CFAP46: variants seen among roughly 807,000 people sequenced by gnomAD.
CFAP46 encodes the protein cilia- and flagella-associated protein 46.
Under a neutral mutation model 325.7 loss-of-function variants are expected in CFAP46, and 245 were observed. The observed-to-expected ratio is 0.75, with a 90% CI of 0.68 to 0.84. The LOEUF (loss-of-function observed/expected upper bound fraction) is 0.84. CFAP46 is among the 40% of genes least tolerant of loss of function. The pLI, the probability that CFAP46 is intolerant of heterozygous loss-of-function variation, is 0.00. For missense variants in CFAP46, 3,346 were observed against 3,543.0 expected (o/e 0.94, Z 1.41); for synonymous variants, 1,523 against 1,495.9 (o/e 1.02, Z -0.42).
chr10:132,891,322 G>A (rs1308218091), intron 25 of CFAP46, among the ~76,000 whole-genome samples: 1 of 152,168 alleles, frequency 6.6e-6, no homozygotes, highest in Non-Finnish European at 1.5e-5. Context: ...TGGTGGGGTC[G>A]GGGGTGGTAG....
At chr10:132,868,315 G>C (rs750140413) in intron 33 of CFAP46, among the ~76,000 whole-genome samples, 1 of 152,198 alleles carries the variant, frequency 6.6e-6, no homozygotes, top group African/African-American at 2.4e-5. Flanking sequence ...GGACCCTATG[G>C]CCTCCACAAC....
At chr10:132,897,873 C>A (rs1201698592) in intron 24 of CFAP46, among the ~76,000 whole-genome samples, 1 of 152,214 alleles carries the variant, frequency 6.6e-6, no homozygotes, top group East Asian at 1.9e-4. Context: ...AGCCCAGAGG[C>A]CCCGACACAG....
chr10:132,942,306 C>G, intron 1 of CFAP46, 130 bp downstream of exon 1: 4 of 821,488 alleles, frequency 4.9e-6, no homozygotes, highest in Non-Finnish European at 6.4e-6. Flanking sequence ...GTGGGGGCTC[C>G]GGCTGTGGCC....
intron 41 of CFAP46, 140 bp downstream of exon 41, chr10:132,850,104 C>T (rs1848510937): frequency 5.8e-6 from 5 of 859,604 alleles, no homozygotes; most frequent in African/African-American, 5.1e-5. Context: ...CATTTCTTCC[C>T]TCACGCCTAC....
chr10:132,843,659 C>T (rs1235874764), intron 44 of CFAP46, among the ~76,000 whole-genome samples: 10 of 88,404 alleles, frequency 1.1e-4, no homozygotes, highest in Non-Finnish European at 2.1e-4. Flanking sequence ...GCTCTGGTCT[C>T]GGTGGGCGTT....
At chr10:132,848,381 C>CAG (rs898675287) in intron 41 of CFAP46, among the ~76,000 whole-genome samples, 25 of 152,254 alleles carry the variant, frequency 1.6e-4, no homozygotes, top group African/African-American at 5.8e-4. Context: ...CAGCCACAGG[C>CAG]AGAGAGAGAG....
At chr10:132,813,179 AG>A (rs945410514) in intron 54 of CFAP46, among the ~76,000 whole-genome samples, 24 of 152,160 alleles carry the variant, frequency 1.6e-4, no homozygotes, top group African/African-American at 5.3e-4. Flanking sequence ...AAACGCTAGG[AG>A]GGGCTTTCCC....
At chr10:132,937,384 G>A (rs981596327) in intron 6 of CFAP46, 168 bp downstream of exon 6, 1 of 754,626 alleles carries the variant, frequency 1.3e-6, no homozygotes. Flanking sequence ...CTTTGCATTG[G>A]ATGAACTGCT....
Position 132,832,561 on chromosome 10 carries a change from T to G in CFAP46, c.7117+797A>C. 3.0e-6 allele frequency: 1 copy of G among 336,056 alleles called. No homozygotes were observed. The highest frequency in any genetic ancestry group is 2.2e-5 in the South Asian group (1 of 45,224). The allele number at this position is 336,056 out of a possible 1,614,324, so 20.8% of individuals were successfully genotyped here. ...TTCTCTGGTTTTTATTTGTCTCAGC[T>G]GGAAGAACGAATCTGGTCCCTGTTA... On this transcript the variant is annotated intron_variant, in intron 50 of 57. Coordinates refer to ENST00000368586, the MANE Select transcript of CFAP46 (RefSeq NM_001200049.3). The surrounding 1 kb of genome is among the most constrained non-coding windows in gnomAD (Gnocchi z 4.1).
intron 38 of CFAP46, among the ~76,000 whole-genome samples, chr10:132,858,297 G>A (rs569496022): frequency 4.2e-4 from 61 of 146,090 alleles, no homozygotes; most frequent in African/African-American, 1.4e-3. Flanking sequence ...CAGGTTGGGG[G>A]CAGGGAGGTG....
chr10:132,837,718 C>T (rs1204548711), intron 44 of CFAP46, among the ~76,000 whole-genome samples: 1 of 143,374 alleles, frequency 7.0e-6, no homozygotes, highest in Non-Finnish European at 1.5e-5. Flanking sequence ...CAGACATGCA[C>T]GGACACACAC....
intron 43 of CFAP46, among the ~76,000 whole-genome samples, chr10:132,846,726 T>G (rs1405014138): frequency 1.3e-5 from 2 of 152,244 alleles, no homozygotes; most frequent in African/African-American, 4.8e-5. Flanking sequence ...GTCTGCCCGA[T>G]GCAGGGGATC....
At chr10:132,915,584 C>A (rs61863090) in intron 17 of CFAP46, among the ~76,000 whole-genome samples, 1 of 151,294 alleles carries the variant, frequency 6.6e-6, no homozygotes, top group Non-Finnish European at 1.5e-5. Context: ...CCCGAGGGAC[C>A]GGTGAGGGCG....
At position 132,885,107 on chromosome 10, in the gene CFAP46, A is replaced by C; in HGVS notation, c.3623T>G (p.Leu1208Trp). ...CCCACGCTTACGGCTTCACACCTGC[A>C]AGGCCTGGATGGCGTTGTTGTAGCA... ...LACYNNAIQA[L>W]QKPEMEWQKV... The change falls in exon 27 of 58, where the codon TTG (leucine) becomes TGG (tryptophan). Residue 1208 changes from leucine (L) to tryptophan (W), a missense_variant. By Grantham distance (61) the Leu-to-Trp change is moderately conservative. Transcript: ENST00000368586. 1 of 1,544,868 alleles carries C rather than the reference A, an allele frequency of 6.5e-7. No homozygotes were observed. The highest frequency in any genetic ancestry group is 1.2e-5 in the South Asian group (1 of 83,540).
rs1849578913 is a variant in CFAP46, at chr10:132,913,088, A to G, written c.2291T>C (p.Leu764Pro). 2 of 1,550,240 alleles carry G rather than the reference A, an allele frequency of 1.3e-6. No individual in the cohort carries two copies. The highest frequency in any genetic ancestry group is 1.7e-6 in the Non-Finnish European group (2 of 1,146,974). ...AGRQKELVDA[L>P]YHLLSIVKAT... ...CTTAACGATGCTCAGGAGGTGGTAC[A>G]GGGCGTCCACCAGCTCCTTCTGCCG... The change falls in exon 18 of 58, where the codon CTG becomes CCG. Residue 764 changes from leucine to proline, a missense_variant. Physicochemically the swap from Leu to Pro is moderately conservative, Grantham distance 98. Transcript: ENST00000368586.
At chr10:132,882,895 G>A (rs1174240780) in intron 27 of CFAP46, among the ~76,000 whole-genome samples, 1 of 152,084 alleles carries the variant, frequency 6.6e-6, no homozygotes, top group East Asian at 1.9e-4. Flanking sequence ...GGAGGTTCAA[G>A]GGAGAGCAGG....
chr10:132,856,577 C>A (rs1234739539), intron 39 of CFAP46, among the ~76,000 whole-genome samples: 2 of 152,156 alleles, frequency 1.3e-5, no homozygotes, highest in African/African-American at 4.8e-5. Context: ...TTTTCTCCTG[C>A]CATCATTGTC....
At chr10:132,881,147 AC>A in intron 27 of CFAP46, 115 bp from the exon 28 acceptor site, 1 of 1,031,100 alleles carries the variant, frequency 9.7e-7, no homozygotes, top group Non-Finnish European at 1.4e-6. Context: ...TCTTACCCCC[AC>A]AGTGATCATT....
At chr10:132,937,109 T>C in intron 6 of CFAP46, 54 bp from the exon 7 acceptor site, 1 of 1,065,286 alleles carries the variant, frequency 9.4e-7, no homozygotes, top group Admixed American at 3.0e-5. Context: ...TCGGTAGAGG[T>C]TCAGATTTTG....
Sources: allele counts gnomAD v4.1 joint callset (sites outside exome capture counted in the v4.1 genomes callset), GRCh38; gene constraint gnomAD v4.1.1; non-coding constraint Gnocchi (gnomAD v3.1); transcripts MANE v1.5; gene names NCBI Gene and HGNC (gene_info 2026-07-23, HGNC 2026-07-21).